Variants in ZNF544 observed in about 807,000 individuals in gnomAD.
ZNF544 encodes the protein zinc finger protein 544, also known as zinc finger protein AF020591.
Under a neutral mutation model 13.5 loss-of-function variants are expected in ZNF544, and 10 were observed. The observed-to-expected ratio is 0.74, with a 90% CI of 0.46 to 1.25. The LOEUF (loss-of-function observed/expected upper bound fraction) is 1.25. ZNF544 is among the 50% of genes most tolerant of loss of function. The pLI is 0.00. For missense variants in ZNF544, 896 were observed against 845.6 expected (o/e 1.06, Z -0.74); for synonymous variants, 323 against 300.5 (o/e 1.07, Z -0.77).
intron 3 of ZNF544, among the ~76,000 whole-genome samples, chr19:58,237,859 G>A (rs968249419): frequency 1.3e-5 from 2 of 152,230 alleles, no homozygotes; most frequent in Non-Finnish European, 2.9e-5. Context: ...GCCTGAAAAT[G>A]CGTCTGGAGG....
chr19:58,266,311 C>T (rs946973510), downstream of ZNF544, among the ~76,000 whole-genome samples: 2 of 148,200 alleles, frequency 1.3e-5, no homozygotes, highest in Non-Finnish European at 3.0e-5. Flanking sequence ...GAGGTCAGAT[C>T]AAGACCATCC....
chr19:58,260,830 G>C, intron 6 of ZNF544, 21 bp from the exon 7 acceptor site: 1 of 1,542,988 alleles, frequency 6.5e-7, no homozygotes, highest in Non-Finnish European at 8.7e-7. Context: ...CAGTAACTTA[G>C]GCATTTTGGA....
In ZNF544 at chr19:58,262,809, C is replaced by T; in HGVS notation, c.*55C>T. The stretch of plus-strand genomic sequence containing the variant: ...CCAGAGGTCTCCCCTCATCATGCAC[C>T]AGAGGACGCATGTCGGTGGGAAGAG... On this transcript the variant is annotated 3_prime_UTR_variant, in exon 7 of 7. Transcript: ENST00000687789. 2 of 1,537,356 alleles carry T rather than the reference C, an allele frequency of 1.3e-6. No individual in the cohort carries two copies. Among genetic ancestry groups the T allele is most frequent in the Middle Eastern group, 1.8e-4 (1 of 5,656 alleles).
Position 58,260,835 on chromosome 19 carries a change from T to G in ZNF544, c.245-16T>G. The stretch of plus-strand genomic sequence containing the variant: ...GATGCTTCTCCAGTAACTTAGGCAT[T>G]TTGGATTTCTTTCAGACTGGAAAGC... On this transcript the variant is annotated splice_polypyrimidine_tract_variant and intron_variant, in intron 6 of 6. Coordinates refer to ENST00000687789, the MANE Select transcript of ZNF544 (RefSeq NM_014480.4). The G allele has an allele frequency of 1.3e-6, 2 of 1,558,292 alleles. No individual in the cohort carries two copies. Among genetic ancestry groups the G allele is most frequent in the Non-Finnish European group, 1.7e-6 (2 of 1,153,470 alleles).
intron 3 of ZNF544, among the ~76,000 whole-genome samples, chr19:58,242,517 C>T (rs1198431840): frequency 1.4e-5 from 2 of 147,500 alleles, no homozygotes; most frequent in Non-Finnish European, 3.0e-5. Flanking sequence ...GGAGTTGTTT[C>T]GCTTTTTTTT....
intron 4 of ZNF544, chr19:58,245,677 T>G (rs1460091301): frequency 6.3e-6 from 1 of 159,650 alleles, no homozygotes; most frequent in Non-Finnish European, 1.4e-5. Flanking sequence ...TTCTATAGCA[T>G]TAGCCTTTTG....
In ZNF544 at chr19:58,273,604, C is replaced by T. The variant is rs370280618; in HGVS notation, c.245-2719C>T. 9.3e-5 allele frequency among the ~76,000 whole-genome samples: 14 copies of T among 150,604 alleles called. No individual in the cohort carries two copies. In the East Asian group the frequency reaches 1.6e-3, roughly 17 times the overall value. On this transcript the variant is annotated intron_variant, in intron 5 of 6. Coordinates refer to the ZNF544 transcript ENST00000595981. ...ATTTGGGAGGATGAGGCAGGAGAAT[C>T]GCTTGAACCCGGGAGGTGGAGATTG...
In ZNF544 at chr19:58,261,250, G is replaced by A. The variant is rs2048873579; in HGVS notation, c.644G>A (p.Ser215Asn). The A allele has an allele frequency of 2.5e-6, 4 of 1,614,076 alleles. No homozygotes were observed. The African/African-American group carries it at 5.3e-5, about 22-fold the overall frequency. The change falls in exon 7 of 7, where the codon AGT becomes AAT. Residue 215 changes from serine to asparagine, a missense_variant. Ser to Asn is a conservative substitution (Grantham distance 46, BLOSUM62 1). Coordinates refer to ENST00000687789, the MANE Select transcript of ZNF544 (RefSeq NM_014480.4). ...GGAGCAGATGGGAAGCACTGTGAGA[G>A]TCATCAGTGTGCTAGAGCTTTCTGT... Reference protein sequence around the residue: ...KNGADGKHCESHQCARAFCQS... With the variant: ...KNGADGKHCENHQCARAFCQS...
chr19:58,232,477 A>G (rs1490374928), intron 3 of ZNF544, among the ~76,000 whole-genome samples: 1 of 148,706 alleles, frequency 6.7e-6, no homozygotes, highest in East Asian at 2.0e-4. Context: ...CAGCCTTCTC[A>G]GTAGCTGGGA....
chr19:58,234,631 A>C (rs939682171), intron 3 of ZNF544, among the ~76,000 whole-genome samples: 1 of 152,254 alleles, frequency 6.6e-6, no homozygotes, highest in Non-Finnish European at 1.5e-5. Context: ...GCATTCTGCG[A>C]GCTGTCTGGC....
chr19:58,262,682 C>T lies in ZNF544; in HGVS notation c.2076C>T (p.Asp692=), dbSNP rs777702992. Residue 692 remains aspartate, a synonymous_variant, in exon 7 of 7, where the codon GAC becomes GAT. Transcript: ENST00000687789. ...GAGAGAAACCCTATGAATGTAGTGA[C>T]TGTGGGAAATCCTTCCGGCAGCAAT... The part of the protein sequence containing the change: ...HSGEKPYECS[D]CGKSFRQQSQ... 1.9e-6 allele frequency: 3 copies of T among 1,612,720 alleles called. No individual in the cohort carries two copies. Among genetic ancestry groups the T allele is most frequent in the South Asian group, 2.2e-5 (2 of 90,994 alleles).
At chr19:58,231,500 G>C (rs1326141716) in intron 3 of ZNF544, among the ~76,000 whole-genome samples, 1 of 152,160 alleles carries the variant, frequency 6.6e-6, no homozygotes, top group Non-Finnish European at 1.5e-5. Context: ...AAGGTAGGAA[G>C]GCCTGGGGCA....
At position 58,256,279 on chromosome 19, in the gene ZNF544, C is replaced by CT. The variant is rs58025656; in HGVS notation, c.245-4560dup. Among the ~76,000 whole-genome samples, 351 of 145,876 alleles carry CT rather than the reference C, an allele frequency of 2.4e-3. 1 individual carries two copies. The highest frequency in any genetic ancestry group is 7.0e-3 in the African/African-American group (279 of 40,072). The stretch of plus-strand genomic sequence containing the variant: ...ATGTTCTTGGCATTGTGTTCTTTTA[C>CT]TTTTTTTTTTTTGAGATGGAGTCTT... On this transcript the variant is annotated intron_variant, in intron 6 of 6. Coordinates refer to ENST00000687789, the MANE Select transcript of ZNF544 (RefSeq NM_014480.4).
At chr19:58,245,034 G>A (rs2044788757) in intron 4 of ZNF544, among the ~76,000 whole-genome samples, 1 of 149,948 alleles carries the variant, frequency 6.7e-6, no homozygotes, top group Non-Finnish European at 1.5e-5. Context: ...CTGCAACTCC[G>A]CCTCCTGGTT....
intron 4 of ZNF544, among the ~76,000 whole-genome samples, chr19:58,244,663 ACTC>A (rs1256087587): frequency 1.4e-5 from 2 of 146,198 alleles, no homozygotes; most frequent in Non-Finnish European, 3.0e-5. Context: ...GCAGCCTTGA[ACTC>A]CTGGGCTCAA....
In ZNF544 at chr19:58,243,687, C is replaced by G. The variant is rs557138301; in HGVS notation, c.-59-278C>G. On this transcript the variant is annotated intron_variant, in intron 3 of 6. Coordinates refer to ENST00000687789, the MANE Select transcript of ZNF544 (RefSeq NM_014480.4). ...GTACAATTACTTAGACACCTGGCCT[C>G]CACCTCCCTTCCTTAGTCACGAAAT... 2.0e-5 allele frequency among the ~76,000 whole-genome samples: 3 copies of G among 152,276 alleles called. No homozygotes were observed. The East Asian group carries it at 5.8e-4, about 29-fold the overall frequency.
At position 58,252,449 on chromosome 19, in the gene ZNF544, C is replaced by T. The variant is rs1351173530; in HGVS notation, c.244+5655C>T. 2.0e-5 allele frequency among the ~76,000 whole-genome samples: 3 copies of T among 152,176 alleles called. No homozygotes were observed. In the South Asian group the frequency reaches 6.2e-4, roughly 31 times the overall value. On this transcript the variant is annotated intron_variant, in intron 6 of 6. Coordinates refer to ENST00000687789, the MANE Select transcript of ZNF544 (RefSeq NM_014480.4). ...CATACAAAATTATTATTGCTACATCCTTCCCTACCAAGAATACATCTTCAT... is the reference window on the plus strand; with the variant it reads ...CATACAAAATTATTATTGCTACATCTTTCCCTACCAAGAATACATCTTCAT...
chr19:58,252,414 G>T (rs1175785794), intron 6 of ZNF544, among the ~76,000 whole-genome samples: 1 of 152,058 alleles, frequency 6.6e-6, no homozygotes, highest in Non-Finnish European at 1.5e-5. Flanking sequence ...TACCATACAG[G>T]ATCCTGTCTC....
At chr19:58,243,376 G>A (rs1229317036) in intron 3 of ZNF544, among the ~76,000 whole-genome samples, 1 of 151,670 alleles carries the variant, frequency 6.6e-6, no homozygotes, top group Non-Finnish European at 1.5e-5. Context: ...CAAACTCTCG[G>A]TAGGACAGTG....
Sources: allele counts gnomAD v4.1 joint callset (sites outside exome capture counted in the v4.1 genomes callset), GRCh38; gene constraint gnomAD v4.1.1; transcripts MANE v1.5; gene names NCBI Gene and HGNC (gene_info 2026-07-23, HGNC 2026-07-21).